The following COL24A1 variants were observed in gnomAD, a reference collection of about 807,000 sequenced individuals.
The protein encoded by COL24A1 is collagen type XXIV alpha 1 chain.
Under a neutral mutation model 253.9 loss-of-function variants are expected in COL24A1, and 224 were observed. That is an observed-to-expected ratio of 0.88 (90% CI 0.79 to 0.99). The LOEUF is 0.99. COL24A1 is among the 50% of genes least tolerant of loss of function. The pLI is 0.00. For synonymous variants in COL24A1, 685 were observed against 673.7 expected (o/e 1.02, Z -0.26); for missense variants, 2,131 against 2,068.5 (o/e 1.03, Z -0.59).
At chr1:85,912,974 T>A (rs1352462827) in intron 24 of COL24A1, among the ~76,000 whole-genome samples, 2 of 152,246 alleles carry the variant, frequency 1.3e-5, no homozygotes, top group Non-Finnish European at 2.9e-5. Flanking sequence ...TTATCTTTTT[T>A]AATGTGGCTA....
intron 39 of COL24A1, among the ~76,000 whole-genome samples, chr1:85,846,381 C>CT (rs1677142856): frequency 6.6e-6 from 1 of 151,690 alleles, no homozygotes; most frequent in Admixed American, 6.6e-5. Flanking sequence ...AGGGAAAAGA[C>CT]TGACAAGTTT....
chr1:86,146,715 C>T (rs915141996), intron 1 of COL24A1, among the ~76,000 whole-genome samples: 2 of 151,888 alleles, frequency 1.3e-5, no homozygotes, highest in South Asian at 2.1e-4. Context: ...TTAAATCACT[C>T]GTACTAGATT....
intron 8 of COL24A1, among the ~76,000 whole-genome samples, chr1:86,062,842 A>G (rs1701190446): frequency 6.6e-6 from 1 of 152,142 alleles, no homozygotes; most frequent in Non-Finnish European, 1.5e-5. Flanking sequence ...GGGACTGAAC[A>G]GAGTGTACTG....
At chr1:85,789,850 C>A (rs2101652268) in intron 47 of COL24A1, among the ~76,000 whole-genome samples, 1 of 152,248 alleles carries the variant, frequency 6.6e-6, no homozygotes, top group East Asian at 1.9e-4. Flanking sequence ...TGATGAATTA[C>A]ATTTATTGAT....
intron 24 of COL24A1, among the ~76,000 whole-genome samples, chr1:85,949,731 C>T (rs573526195): frequency 8.5e-5 from 13 of 152,062 alleles, no homozygotes; most frequent in Non-Finnish European, 1.9e-4. Context: ...TATCTTGCAG[C>T]TGCAAGATAT....
chr1:86,084,149 A>G (rs557749276), intron 7 of COL24A1, among the ~76,000 whole-genome samples: 1 of 152,342 alleles, frequency 6.6e-6, no homozygotes, highest in South Asian at 2.1e-4. Context: ...AGAAATAGTG[A>G]TAAAATAGGA....
chr1:85,807,310 C>T (rs575093637), intron 47 of COL24A1, among the ~76,000 whole-genome samples: 179 of 152,270 alleles, frequency 1.2e-3, no homozygotes, highest in African/African-American at 3.9e-3. Context: ...CTAACCACAG[C>T]CCCTGGAAGG....
intron 24 of COL24A1, among the ~76,000 whole-genome samples, chr1:85,957,397 G>T (rs1690576242): frequency 6.6e-6 from 1 of 152,064 alleles, no homozygotes; most frequent in South Asian, 2.1e-4. Flanking sequence ...CCAGAGAAAA[G>T]AAGTCAAATT....
chr1:86,107,517 ATTTATTT>A (rs2102101530), intron 5 of COL24A1, among the ~76,000 whole-genome samples: 2 of 61,304 alleles, frequency 3.3e-5, no homozygotes, highest in Admixed American at 3.1e-4. Context: ...TAATTTATTT[ATTTATTT>A]ATTTATTTAT....
In COL24A1 at chr1:85,755,107, C is replaced by T. The variant is rs551661217; in HGVS notation, c.4437+6289G>A. Among the ~76,000 whole-genome samples the T allele has an allele frequency of 2.6e-5, 4 of 152,142 alleles. No individual in the cohort carries two copies. The East Asian group carries it at 5.8e-4, about 22-fold the overall frequency. ...TCAACCAGATTAACAGCTAATTTCC[C>T]ATAAAAAACCATAAAGGTGAGCAGG... On this transcript the variant is annotated intron_variant, in intron 55 of 59. Coordinates refer to ENST00000370571, the MANE Select transcript of COL24A1 (RefSeq NM_152890.7).
intron 43 of COL24A1, among the ~76,000 whole-genome samples, chr1:85,834,482 T>C (rs1054755034): frequency 3.9e-5 from 6 of 152,132 alleles, no homozygotes; most frequent in Non-Finnish European, 5.9e-5. Flanking sequence ...ACTTACTGAG[T>C]TTGAGGTGCC....
chr1:86,140,981 C>A (rs758874249), intron 2 of COL24A1, among the ~76,000 whole-genome samples: 13 of 152,254 alleles, frequency 8.5e-5, no homozygotes, highest in Admixed American at 2.6e-4. Context: ...TTTACTGAAA[C>A]CGTGACAAAT....
At chr1:85,983,614 C>A (rs1693450759) in intron 20 of COL24A1, among the ~76,000 whole-genome samples, 1 of 151,854 alleles carries the variant, frequency 6.6e-6, no homozygotes. Flanking sequence ...CTCAACAGAG[C>A]TTTAGCAGTT....
At chr1:85,858,803 T>G (rs1379829141) in intron 37 of COL24A1, among the ~76,000 whole-genome samples, 1 of 151,822 alleles carries the variant, frequency 6.6e-6, no homozygotes, top group Non-Finnish European at 1.5e-5. Context: ...TGCAGTGGCA[T>G]GATCATGGCT....
intron 45 of COL24A1, among the ~76,000 whole-genome samples, chr1:85,822,557 TTA>T (rs570807651): frequency 6.8e-4 from 103 of 152,312 alleles, no homozygotes; most frequent in African/African-American, 2.4e-3. Flanking sequence ...CAACAGATTT[TTA>T]GTTTGCTTGA....
At chr1:85,743,676 C>A (rs1361773270) in intron 57 of COL24A1, among the ~76,000 whole-genome samples, 6 of 152,108 alleles carry the variant, frequency 3.9e-5, no homozygotes, top group African/African-American at 1.4e-4. Flanking sequence ...TTGTTCCTTT[C>A]AATTCTACAG....
intron 2 of COL24A1, among the ~76,000 whole-genome samples, chr1:86,138,595 T>A (rs1196736081): frequency 6.6e-6 from 1 of 152,166 alleles, no homozygotes; most frequent in Non-Finnish European, 1.5e-5. Context: ...CGAGGTAAGA[T>A]GTGACTTGCT....
At chr1:85,745,047 T>C (rs1237720658) in intron 56 of COL24A1, among the ~76,000 whole-genome samples, 1 of 152,014 alleles carries the variant, frequency 6.6e-6, no homozygotes, top group African/African-American at 2.4e-5. Context: ...GTTTTCAAGC[T>C]AACATAAGAA....
chr1:85,807,840 A>C (rs1424427087), intron 47 of COL24A1, among the ~76,000 whole-genome samples: 1 of 152,206 alleles, frequency 6.6e-6, no homozygotes, highest in Non-Finnish European at 1.5e-5. Context: ...GGAAAAGACA[A>C]ATTCCAAGTC....
Sources: allele counts gnomAD v4.1 joint callset (sites outside exome capture counted in the v4.1 genomes callset), GRCh38; gene constraint gnomAD v4.1.1; transcripts MANE v1.5; gene names NCBI Gene and HGNC (gene_info 2026-07-23, HGNC 2026-07-21).